GLI3: variants seen among roughly 807,000 people sequenced by gnomAD.
GLI3 encodes the protein transcription activator GLI3.
In GLI3, 20 loss-of-function variants were observed where a neutral mutation model predicts 100.8. The observed-to-expected ratio is 0.20, with a 90% CI of 0.14 to 0.29. GLI3 has a LOEUF of 0.29. GLI3 is among the 10% of genes least tolerant of loss of function. The probability of loss-of-function intolerance (pLI) is 1.00; values close to 1 mark genes in which losing one functional copy is unlikely to be tolerated. For missense variants in GLI3, 2,040 were observed against 2,128.5 expected (o/e 0.96, Z 0.82); for synonymous variants, 938 against 860.5 (o/e 1.09, Z -1.58).
chr7:42,096,315 G>A (rs954679622), intron 3 of GLI3, among the ~76,000 whole-genome samples: 2 of 152,198 alleles, frequency 1.3e-5, no homozygotes, highest in East Asian at 1.9e-4. Flanking sequence ...AGAATAGGAC[G>A]CAGGTTAGCT....
chr7:42,028,385 G>C, intron 7 of GLI3, among the ~76,000 whole-genome samples: 1 of 152,168 alleles, frequency 6.6e-6, no homozygotes, highest in South Asian at 2.1e-4. Context: ...ATTAAAAATA[G>C]AGACCATTCA....
intron 1 of GLI3, among the ~76,000 whole-genome samples, chr7:42,260,458 G>A (rs950669102): frequency 6.6e-6 from 1 of 152,188 alleles, no homozygotes; most frequent in Non-Finnish European, 1.5e-5. Context: ...AAAAGAGTAT[G>A]TATGTATACT....
Position 42,075,450 on chromosome 7 carries a change from G to A in GLI3, c.473+1302C>T, listed in dbSNP as rs544223027. On this transcript the variant is annotated intron_variant, in intron 4 of 14. Coordinates refer to ENST00000395925, the MANE Select transcript of GLI3 (RefSeq NM_000168.6). ...CTGTATCATAAAACCTCTGTATAATGGGGTGAATTACATGTCATGTTTCAG... is the reference window on the plus strand; with the variant it reads ...CTGTATCATAAAACCTCTGTATAATAGGGTGAATTACATGTCATGTTTCAG... 3.0e-3 allele frequency among the ~76,000 whole-genome samples: 454 copies of A among 152,262 alleles called. 1 individual carries two copies. Among genetic ancestry groups the A allele is most frequent in the African/African-American group, 0.011 (444 of 41,558 alleles).
intron 10 of GLI3, among the ~76,000 whole-genome samples, chr7:42,017,415 C>T (rs1350848513): frequency 1.3e-5 from 2 of 152,080 alleles, no homozygotes; most frequent in African/African-American, 4.8e-5. Context: ...AAGAAAGTAA[C>T]TAATACATGG....
chr7:42,006,420 G>A (rs1256160466), intron 10 of GLI3, among the ~76,000 whole-genome samples: 1 of 152,192 alleles, frequency 6.6e-6, no homozygotes, highest in Non-Finnish European at 1.5e-5. Context: ...AGAGAACTCT[G>A]AGGAGTCCAA....
intron 3 of GLI3, among the ~76,000 whole-genome samples, chr7:42,091,413 G>C (rs559728123): frequency 6.6e-6 from 1 of 152,274 alleles, no homozygotes; most frequent in South Asian, 2.1e-4. Context: ...CTTCTCCCAG[G>C]CACCAGGGAC....
At chr7:41,975,672 C>A (rs1387179177) in intron 12 of GLI3, among the ~76,000 whole-genome samples, 1 of 152,154 alleles carries the variant, frequency 6.6e-6, no homozygotes, top group Non-Finnish European at 1.5e-5. Flanking sequence ...AGAACACAAG[C>A]TCAACTACAC....
intron 3 of GLI3, among the ~76,000 whole-genome samples, chr7:42,130,526 T>C (rs976770249): frequency 3.9e-5 from 6 of 152,104 alleles, no homozygotes; most frequent in African/African-American, 1.4e-4. Flanking sequence ...TGCAAAAAGT[T>C]AAAAATAATG....
chr7:42,027,960 T>C (rs1032663418), intron 7 of GLI3, among the ~76,000 whole-genome samples: 1 of 152,212 alleles, frequency 6.6e-6, no homozygotes, highest in African/African-American at 2.4e-5. Context: ...GCTGTGTGGA[T>C]GATTGATAGG....
upstream of GLI3, among the ~76,000 whole-genome samples, chr7:42,240,644 T>A (rs1045089583): frequency 4.6e-5 from 7 of 152,180 alleles, no homozygotes; most frequent in Admixed American, 2.0e-4. Context: ...AAAGCACGAG[T>A]TATATTCTGT....
At chr7:42,210,474 C>T (rs1377284469) in intron 2 of GLI3, among the ~76,000 whole-genome samples, 2 of 151,792 alleles carry the variant, frequency 1.3e-5, no homozygotes, top group African/African-American at 2.4e-5. Flanking sequence ...TTCTCCCCAC[C>T]ACCAACCTCC....
intron 2 of GLI3, among the ~76,000 whole-genome samples, chr7:42,201,708 A>C (rs1255295635): frequency 2.6e-5 from 4 of 152,216 alleles, no homozygotes; most frequent in Non-Finnish European, 5.9e-5. Context: ...ATAGCATGTT[A>C]CTATACTGAG....
intron 2 of GLI3, among the ~76,000 whole-genome samples, chr7:42,185,463 G>A (rs1486261457): frequency 6.6e-6 from 1 of 152,126 alleles, no homozygotes; most frequent in South Asian, 2.1e-4. Flanking sequence ...TGATCCACAC[G>A]CTCTTCAAGC....
Position 41,961,990 on chromosome 7 carries a change from A to C in GLI3, c.*2340T>G, listed in dbSNP as rs1020927702. 25 of 152,326 alleles carry C rather than the reference A, an allele frequency of 1.6e-4. No individual in the cohort carries two copies. Among genetic ancestry groups the C allele is most frequent in the Admixed American group, 1.2e-3 (19 of 15,312 alleles). The allele number at this position is 152,326 out of a possible 1,614,324, so 9.4% of individuals were successfully genotyped here. A position where few individuals can be genotyped will look rare whatever the true frequency, so the allele number is the denominator to read the frequency against. On this transcript the variant is annotated 3_prime_UTR_variant, in exon 15 of 15. Coordinates refer to ENST00000395925, the MANE Select transcript of GLI3 (RefSeq NM_000168.6). ...CAAATATAAAAAAAAAAAGAAATAAAAGAAGAATAGGGGAAACCCAGAAAA... is the reference window on the plus strand; with the variant it reads ...CAAATATAAAAAAAAAAAGAAATAACAGAAGAATAGGGGAAACCCAGAAAA...
upstream of GLI3, among the ~76,000 whole-genome samples, chr7:42,240,684 C>T (rs887802597): frequency 2.0e-5 from 3 of 152,192 alleles, no homozygotes; most frequent in African/African-American, 7.2e-5. Context: ...AGAATGACCT[C>T]ATCTTAACTA....
chr7:42,148,891 C>T (rs1394803811), intron 2 of GLI3, among the ~76,000 whole-genome samples: 2 of 152,134 alleles, frequency 1.3e-5, no homozygotes, highest in Admixed American at 6.6e-5. Flanking sequence ...GCGGGGCCTC[C>T]GGGGTGACAC....
chr7:42,177,606 T>C (rs888442347), intron 2 of GLI3, among the ~76,000 whole-genome samples: 9 of 152,166 alleles, frequency 5.9e-5, no homozygotes, highest in Admixed American at 5.9e-4. Flanking sequence ...CATGTAGATA[T>C]TCAAAATCCT....
Position 41,966,249 on chromosome 7 carries a change from G to T in GLI3, c.2824C>A (p.Pro942Thr). ...CTCTCCATGTTGGGCAGGGGCGTCGGCGGCGGCCCTCCTGTGGCAGCCGCG... is the reference window on the plus strand; with the variant it reads ...CTCTCCATGTTGGGCAGGGGCGTCGTCGGCGGCCCTCCTGTGGCAGCCGCG... ...KYAAATGGPPPTPLPNMERMS... is the reference protein window; with the variant it reads ...KYAAATGGPPTTPLPNMERMS... Residue 942 changes from proline to threonine, a missense_variant, in exon 15 of 15, where the codon CCG (proline) becomes ACG (threonine). Pro to Thr is a conservative substitution (Grantham distance 38). This residue lies in a region of GLI3 where 1,041 missense variants were observed against 924.0 expected (regional missense o/e 1.13). Transcript: ENST00000395925. This position sits in a 1 kb window ranked among gnomAD's most constrained non-coding sequence, Gnocchi z 5.8. 6.2e-7 allele frequency: 1 copy of T among 1,608,098 alleles called. No homozygotes were observed.
intron 3 of GLI3, among the ~76,000 whole-genome samples, chr7:42,130,638 A>G (rs989567754): frequency 2.0e-5 from 3 of 152,140 alleles, no homozygotes; most frequent in Non-Finnish European, 4.4e-5. Flanking sequence ...CACAGAAGTA[A>G]CCTAGGAGGT....
Sources: gnomAD v4.1 joint callset for allele counts (sites outside exome capture counted in the v4.1 genomes callset) on GRCh38, gnomAD v4.1.1 for gene constraint, gnomAD v4.1.1 regional missense constraint, Gnocchi (gnomAD v3.1) non-coding constraint, MANE v1.5 for transcripts, NCBI Gene and HGNC (gene_info 2026-07-23, HGNC 2026-07-21) for gene names.